Variants in SLC22A24 observed in about 807,000 individuals in gnomAD.
SLC22A24 encodes steroid transmembrane transporter SLC22A24.
Under a neutral mutation model 49.8 loss-of-function variants are expected in SLC22A24, and 53 were observed. That is an observed-to-expected ratio of 1.06 (90% CI 0.85 to 1.34). The LOEUF (loss-of-function observed/expected upper bound fraction) is 1.34. SLC22A24 is among the 40% of genes most tolerant of loss of function. The pLI is 0.00. For synonymous variants in SLC22A24, 302 were observed against 256.4 expected (o/e 1.18, Z -1.70); for missense variants, 786 against 675.9 (o/e 1.16, Z -1.81).
At chr11:63,120,576 G>C (rs1172516173) in intron 2 of SLC22A24, among the ~76,000 whole-genome samples, 1 of 152,050 alleles carries the variant, frequency 6.6e-6, no homozygotes, top group Non-Finnish European at 1.5e-5. Flanking sequence ...AACAAAGAAG[G>C]GGAAGATAAA....
intron 7 of SLC22A24, among the ~76,000 whole-genome samples, chr11:63,081,876 C>A (rs572737442): frequency 6.6e-6 from 1 of 152,308 alleles, no homozygotes; most frequent in Non-Finnish European, 1.5e-5. Context: ...GGATCTCAAT[C>A]TCAATCTTCA....
chr11:63,132,601 A>G (rs2087344771), intron 2 of SLC22A24, among the ~76,000 whole-genome samples: 2 of 152,196 alleles, frequency 1.3e-5, no homozygotes, highest in Admixed American at 1.3e-4. Flanking sequence ...TTGCTTGGGT[A>G]TCACTAGCAG....
rs1006555162 is a variant in SLC22A24, at chr11:63,081,652, G to T, written c.1300C>A (p.Arg434Ser). The T allele has an allele frequency of 9.0e-6, 14 of 1,549,790 alleles. No individual in the cohort carries two copies. The highest frequency in any genetic ancestry group is 6.9e-5 in the African/African-American group (5 of 72,990). Residue 434 changes from arginine (R) to serine (S), a missense_variant, in exon 8 of 10, where the codon CGT becomes AGT. Transcript: ENST00000612278. Reference sequence around the variant, plus strand: ...ATTCCCAAAGTTGCTAAAACCACACGCAGGATCTGCATTTCTAGAGAGAAC... The same window carrying T: ...ATTCCCAAAGTTGCTAAAACCACACTCAGGATCTGCATTTCTAGAGAGAAC... The part of the protein sequence containing the change: ...TFLPQEMQIL[R>S]VVLATLGIGS...
chr11:63,121,453 A>C (rs886913150), intron 2 of SLC22A24, among the ~76,000 whole-genome samples: 1 of 152,148 alleles, frequency 6.6e-6, no homozygotes, highest in Non-Finnish European at 1.5e-5. Flanking sequence ...ATGAAGAACT[A>C]TGAAATAGTT....
At chr11:63,084,106 A>G (rs944802683) in intron 6 of SLC22A24, among the ~76,000 whole-genome samples, 2 of 152,124 alleles carry the variant, frequency 1.3e-5, no homozygotes, top group Non-Finnish European at 2.9e-5. Context: ...GAACTACAGA[A>G]ACAGAGAATC....
intron 4 of SLC22A24, among the ~76,000 whole-genome samples, chr11:63,109,590 A>T (rs1487466179): frequency 6.7e-6 from 1 of 149,450 alleles, no homozygotes; most frequent in African/African-American, 2.4e-5. Context: ...CATTTCTCTG[A>T]TGGCCAGTGA....
At chr11:63,085,761 T>C (rs1010048139) in intron 6 of SLC22A24, among the ~76,000 whole-genome samples, 1 of 152,226 alleles carries the variant, frequency 6.6e-6, no homozygotes, top group South Asian at 2.1e-4. Flanking sequence ...TGACGATGAA[T>C]GGTGACAATG....
chr11:63,092,154 T>G (rs2087024187), intron 6 of SLC22A24, among the ~76,000 whole-genome samples: 1 of 151,994 alleles, frequency 6.6e-6, no homozygotes, highest in Non-Finnish European at 1.5e-5. Context: ...CATTCACAAT[T>G]GCTACAAACG....
At position 63,119,019 on chromosome 11, in the gene SLC22A24, G is replaced by C. The variant is rs1033863151; in HGVS notation, c.723C>G (p.Tyr241Ter). Residue 241 changes from tyrosine (Y) to a stop codon, truncating the protein, a stop_gained, in exon 4 of 10, where the codon TAC (tyrosine) becomes TAG (stop). Transcript: ENST00000612278. LOFTEE classifies it high-confidence loss of function. Reference protein sequence around the residue: ...SMTIMVLLCSYSVGQMLLGGL... With the variant: ...SMTIMVLLCS ...CTCCTAGGAGCATCTGCCCAACACT[G>C]TAGGAACATAATAGCACCATTATTG... 9.0e-6 allele frequency: 14 copies of C among 1,551,614 alleles called. 1 individual carries two copies. Among genetic ancestry groups the C allele is most frequent in the South Asian group, 5.9e-5 (5 of 84,056 alleles).
At chr11:63,137,109 G>A (rs2087380799) in intron 1 of SLC22A24, among the ~76,000 whole-genome samples, 1 of 152,076 alleles carries the variant, frequency 6.6e-6, no homozygotes, top group Non-Finnish European at 1.5e-5. Context: ...GGGTGTCTGT[G>A]TCTGTAGCTC....
chr11:63,130,872 G>C (rs2087329553), intron 2 of SLC22A24, among the ~76,000 whole-genome samples: 1 of 151,760 alleles, frequency 6.6e-6, no homozygotes, highest in South Asian at 2.1e-4. Flanking sequence ...TTGACAGTGG[G>C]GTGTTAAAGT....
intron 5 of SLC22A24, among the ~76,000 whole-genome samples, chr11:63,101,738 T>C (rs914368067): frequency 2.0e-5 from 3 of 152,174 alleles, no homozygotes; most frequent in Admixed American, 1.3e-4. Flanking sequence ...TACGTATACA[T>C]GGAGTACTAT....
rs892896534 is a variant in SLC22A24, at chr11:63,144,031, A to T, written c.-252T>A. 1 of 329,088 alleles carries T rather than the reference A, an allele frequency of 3.0e-6. No homozygotes were observed. Among genetic ancestry groups the T allele is most frequent in the Non-Finnish European group, 5.5e-6 (1 of 181,834 alleles). 20.4% of individuals were successfully genotyped at this position (329,088 alleles called of 1,614,324 possible). The stretch of plus-strand genomic sequence containing the variant: ...TCACAGATATAATTATTTGGCAAAG[A>T]GACTGCTAGCTGTTGACAACTGAAT... On this transcript the variant is annotated 5_prime_UTR_variant, in exon 1 of 10. Transcript: ENST00000612278.
At chr11:63,085,286 A>G (rs2086980972) in intron 6 of SLC22A24, among the ~76,000 whole-genome samples, 1 of 152,184 alleles carries the variant, frequency 6.6e-6, no homozygotes, top group Non-Finnish European at 1.5e-5. Context: ...TGGGGATGAT[A>G]AAACAAAAAA....
chr11:63,095,874 A>AT lies in SLC22A24; in HGVS notation c.1070+116dup, dbSNP rs970462316. Reference sequence around the variant, plus strand: ...ACTTAGAGGCATACATTTGTATGTGATTTTCTCTTCTCTTATGTATTAAAT... The same window carrying AT: ...ACTTAGAGGCATACATTTGTATGTGATTTTTCTCTTCTCTTATGTATTAAAT... On this transcript the variant is annotated intron_variant, in intron 6 of 9. Transcript: ENST00000612278. 3 of 747,362 alleles carry AT rather than the reference A, an allele frequency of 4.0e-6. No homozygotes were observed. The African/African-American group carries it at 5.3e-5, about 13-fold the overall frequency. The allele number at this position is 747,362 out of a possible 1,614,324, so 46.3% of individuals were successfully genotyped here.
chr11:63,118,871 T>A lies in SLC22A24; in HGVS notation c.830+41A>T, dbSNP rs1371911723. ...AGAATTTTCCTTTCTATGTCTACCATAGCCTCGCTTACAGGCAAAGAATGT... is the reference window on the plus strand; with the variant it reads ...AGAATTTTCCTTTCTATGTCTACCAAAGCCTCGCTTACAGGCAAAGAATGT... On this transcript the variant is annotated intron_variant, in intron 4 of 9. Coordinates refer to ENST00000612278, the MANE Select transcript of SLC22A24 (RefSeq NM_001136506.2). 3.9e-6 allele frequency: 6 copies of A among 1,549,940 alleles called. No individual in the cohort carries two copies. In the South Asian group the frequency reaches 6.0e-5, roughly 15 times the overall value.
chr11:63,106,755 C>T lies in SLC22A24; in HGVS notation c.831-2457G>A, dbSNP rs546438643. On this transcript the variant is annotated intron_variant, in intron 4 of 9. Coordinates refer to ENST00000612278, the MANE Select transcript of SLC22A24 (RefSeq NM_001136506.2). Reference sequence around the variant, plus strand: ...TTGAGAAGTGTCTGTTCATATCCTTCACCCACTTTTTGATGGGGTTGTTTG... The same window carrying T: ...TTGAGAAGTGTCTGTTCATATCCTTTACCCACTTTTTGATGGGGTTGTTTG... 2.6e-5 allele frequency among the ~76,000 whole-genome samples: 4 copies of T among 152,212 alleles called. No homozygotes were observed. In the South Asian group the frequency reaches 6.2e-4, roughly 24 times the overall value.
intron 6 of SLC22A24, 134 bp downstream of exon 6, chr11:63,095,857 G>A (rs949754757): frequency 6.1e-6 from 4 of 655,784 alleles, no homozygotes; most frequent in South Asian, 2.0e-5. Context: ...GCACTTAGAG[G>A]CATACATTTG....
intron 1 of SLC22A24, among the ~76,000 whole-genome samples, chr11:63,142,821 C>T (rs558751326): frequency 6.6e-6 from 1 of 152,254 alleles, no homozygotes; most frequent in South Asian, 2.1e-4. Flanking sequence ...GGCTCACTGG[C>T]TGCCCCCCAA....
Sources: allele counts gnomAD v4.1 joint callset (sites outside exome capture counted in the v4.1 genomes callset), GRCh38; gene constraint gnomAD v4.1.1; transcripts MANE v1.5; gene names NCBI Gene and HGNC (gene_info 2026-07-23, HGNC 2026-07-21).